Variants in KIAA1217 observed in about 807,000 individuals in gnomAD.
KIAA1217 encodes KIAA1217.
A neutral mutation model predicts 163.9 loss-of-function variants in KIAA1217; 88 were observed. That is an observed-to-expected ratio of 0.54 (90% CI 0.45 to 0.64). KIAA1217 has a LOEUF of 0.64. Ranked by LOEUF, KIAA1217 falls within the 30% of genes least tolerant of loss-of-function variation. KIAA1217 has a pLI of 0.00. For synonymous variants in KIAA1217, 903 were observed against 923.1 expected (o/e 0.98, Z 0.39); for missense variants, 2,372 against 2,475.0 (o/e 0.96, Z 0.88).
chr10:23,739,472 G>T (rs1259639893), intron 1 of KIAA1217, among the ~76,000 whole-genome samples: 1 of 152,184 alleles, frequency 6.6e-6, no homozygotes, highest in Non-Finnish European at 1.5e-5. Context: ...TCTAGTGGGT[G>T]CATGTCAGTT....
Position 24,088,210 on chromosome 10 carries a change from G to C in KIAA1217, c.-171+80836G>C, listed in dbSNP as rs916825679. ...TGGATCTCCTCTGCCCAGGCTCAAG[G>C]AACATCCCAAACTTGTGTCCTCCCA... On this transcript the variant is annotated intron_variant, in intron 2 of 18. Coordinates refer to the KIAA1217 transcript ENST00000376462. Among the ~76,000 whole-genome samples, 6 of 115,044 alleles carry C rather than the reference G, an allele frequency of 5.2e-5. 1 individual carries two copies. The highest frequency in any genetic ancestry group is 1.7e-4 in the Admixed American group (2 of 11,660). 75.5% of individuals were successfully genotyped at this position (115,044 alleles called of 152,430 possible). A position where few individuals can be genotyped will look rare whatever the true frequency, so the allele number is the denominator to read the frequency against.
chr10:23,702,447 T>G (rs1005809179), intron 1 of KIAA1217, among the ~76,000 whole-genome samples: 9 of 152,190 alleles, frequency 5.9e-5, no homozygotes, highest in African/African-American at 2.2e-4. Flanking sequence ...ATATGTGGAA[T>G]GTAGGTTTCC....
intron 2 of KIAA1217, among the ~76,000 whole-genome samples, chr10:24,110,816 T>A (rs2062817185): frequency 6.6e-6 from 1 of 152,214 alleles, no homozygotes; most frequent in Admixed American, 6.5e-5. Context: ...GGAGAAAAAA[T>A]ACTCAGGTTA....
At chr10:24,092,578 G>A (rs937775465) in intron 2 of KIAA1217, among the ~76,000 whole-genome samples, 1 of 151,682 alleles carries the variant, frequency 6.6e-6, no homozygotes, top group East Asian at 1.9e-4. Context: ...ACAATGGAAA[G>A]GACTGAACTG....
chr10:23,978,475 G>A (rs1845631994), intron 1 of KIAA1217, among the ~76,000 whole-genome samples: 1 of 152,078 alleles, frequency 6.6e-6, no homozygotes, highest in Non-Finnish European at 1.5e-5. Flanking sequence ...AATTAGAGTG[G>A]AATTCCTCAA....
At chr10:23,824,045 G>A (rs1246394202) in intron 1 of KIAA1217, among the ~76,000 whole-genome samples, 1 of 152,074 alleles carries the variant, frequency 6.6e-6, no homozygotes, top group Non-Finnish European at 1.5e-5. Context: ...GCCAAGGCAG[G>A]TGGACAACTT....
chr10:24,427,836 G>A (rs949839656), intron 3 of KIAA1217, among the ~76,000 whole-genome samples: 8 of 152,140 alleles, frequency 5.3e-5, no homozygotes, highest in South Asian at 2.1e-4. Flanking sequence ...AAACGCCATC[G>A]GATATTAAGA....
chr10:24,001,603 T>C (rs550538407), intron 1 of KIAA1217, among the ~76,000 whole-genome samples: 2 of 152,358 alleles, frequency 1.3e-5, no homozygotes, highest in South Asian at 4.1e-4. Flanking sequence ...TCATTATCAT[T>C]TCCATTTTAT....
At chr10:23,729,710 C>A (rs1303608368) in intron 1 of KIAA1217, among the ~76,000 whole-genome samples, 1 of 152,014 alleles carries the variant, frequency 6.6e-6, no homozygotes, top group Non-Finnish European at 1.5e-5. Flanking sequence ...ATGTCTTTTG[C>A]AAATATTTTA....
chr10:24,278,160 GGAGAA>G (rs1008835308), intron 2 of KIAA1217, among the ~76,000 whole-genome samples: 3 of 152,176 alleles, frequency 2.0e-5, no homozygotes, highest in African/African-American at 7.2e-5. Context: ...AAAACACTGT[GGAGAA>G]GCACATTACA....
At chr10:24,378,170 T>A (rs765173038) in intron 2 of KIAA1217, among the ~76,000 whole-genome samples, 3 of 152,156 alleles carry the variant, frequency 2.0e-5, no homozygotes, top group Non-Finnish European at 4.4e-5. Context: ...TCTGTAGACA[T>A]TGACTAATAG....
At chr10:23,722,843 G>T (rs143073291) in intron 1 of KIAA1217, among the ~76,000 whole-genome samples, 60 of 152,306 alleles carry the variant, frequency 3.9e-4, no homozygotes, top group Admixed American at 2.0e-3. Context: ...GCTTCAGCAA[G>T]GAGATACCAT....
Position 24,272,983 on chromosome 10 carries a change from C to T in KIAA1217, c.354+53074C>T, listed in dbSNP as rs184615083. Among the ~76,000 whole-genome samples, 186 of 152,318 alleles carry T rather than the reference C, an allele frequency of 1.2e-3. 2 individuals are homozygous for T. Among genetic ancestry groups the T allele is most frequent in the Non-Finnish European group, 1.4e-3 (98 of 68,032 alleles). On this transcript the variant is annotated intron_variant, in intron 2 of 20. Coordinates refer to ENST00000376454, the MANE Select transcript of KIAA1217 (RefSeq NM_019590.5). ...AGACAGCAGAATGTCAGGGGACTCT[C>T]ATTGCGTAAAAGTCTGTGCCCTTCT...
At chr10:24,182,438 T>TCA (rs3222547) in intron 2 of KIAA1217, among the ~76,000 whole-genome samples, 2,954 of 144,908 alleles carry the variant, frequency 0.02, 43 homozygotes, top group African/African-American at 0.033. Flanking sequence ...CAAGACTCCA[T>TCA]CACACACACA....
At chr10:24,451,675 C>A (rs973390627) in intron 5 of KIAA1217, among the ~76,000 whole-genome samples, 1 of 152,188 alleles carries the variant, frequency 6.6e-6, no homozygotes, top group Non-Finnish European at 1.5e-5. Flanking sequence ...AGGGTTAGCT[C>A]CCGAAGAGTT....
At chr10:23,881,624 C>T (rs1306983978) in intron 1 of KIAA1217, among the ~76,000 whole-genome samples, 1 of 151,958 alleles carries the variant, frequency 6.6e-6, no homozygotes, top group Non-Finnish European at 1.5e-5. Flanking sequence ...CTATGAGATG[C>T]TTGACTTTGA....
At chr10:24,302,504 T>C (rs2041488438) in intron 2 of KIAA1217, among the ~76,000 whole-genome samples, 1 of 152,220 alleles carries the variant, frequency 6.6e-6, no homozygotes, top group African/African-American at 2.4e-5. Flanking sequence ...ATGTCTATGT[T>C]GTGCTTCTCT....
chr10:24,288,748 T>A (rs553160955), intron 2 of KIAA1217, among the ~76,000 whole-genome samples: 1 of 152,290 alleles, frequency 6.6e-6, no homozygotes, highest in Admixed American at 6.5e-5. Context: ...GTATGTCCTG[T>A]GCAGAGTTTA....
chr10:24,153,526 C>T (rs75728184), intron 2 of KIAA1217, among the ~76,000 whole-genome samples: 3,250 of 152,242 alleles, frequency 0.021, 102 homozygotes, highest in African/African-American at 0.073. Context: ...TGTACACATA[C>T]ACATAATTTA....
Sources: allele counts gnomAD v4.1 joint callset (sites outside exome capture counted in the v4.1 genomes callset), GRCh38; gene constraint gnomAD v4.1.1; transcripts MANE v1.5; gene names NCBI Gene and HGNC (gene_info 2026-07-23, HGNC 2026-07-21).